Variants in CPNE4 observed in about 807,000 individuals in gnomAD.
CPNE4 encodes copine 4, also known as copine-4.
CPNE4 carries 25 observed loss-of-function variants against 67.9 expected under a neutral mutation model. The ratio of observed to expected loss-of-function variants is 0.37; its 90% CI spans 0.27 to 0.51. CPNE4 has a LOEUF of 0.51. Ranked by LOEUF, CPNE4 falls within the 20% of genes least tolerant of loss-of-function variation. The pLI is 0.93. For synonymous variants in CPNE4, 242 were observed against 244.9 expected (o/e 0.99, Z 0.11); for missense variants, 464 against 690.8 (o/e 0.67, Z 3.68).
intron 1 of CPNE4, among the ~76,000 whole-genome samples, chr3:131,973,534 T>C (rs1240715973): frequency 6.6e-6 from 1 of 152,210 alleles, no homozygotes; most frequent in Non-Finnish European, 1.5e-5. Context: ...ACTATTATCA[T>C]CTCCATTGGC....
intron 2 of CPNE4, among the ~76,000 whole-genome samples, chr3:131,821,614 G>A (rs1352621362): frequency 6.6e-6 from 1 of 152,170 alleles, no homozygotes; most frequent in African/African-American, 2.4e-5. Context: ...AGAGCACATG[G>A]AATTTTTCTC....
At chr3:131,667,833 A>T (rs1560081827) in intron 7 of CPNE4, among the ~76,000 whole-genome samples, 1 of 152,036 alleles carries the variant, frequency 6.6e-6, no homozygotes. Flanking sequence ...CCTCCTCATA[A>T]AAAGTTTAAT....
chr3:131,859,493 A>G (rs1395680244), intron 2 of CPNE4, among the ~76,000 whole-genome samples: 1 of 152,082 alleles, frequency 6.6e-6, no homozygotes, highest in East Asian at 1.9e-4. Context: ...TTTAGCATCT[A>G]TCTCAGCTAC....
At chr3:131,645,936 C>A (rs1255836144) in intron 7 of CPNE4, among the ~76,000 whole-genome samples, 1 of 152,150 alleles carries the variant, frequency 6.6e-6, no homozygotes, top group African/African-American at 2.4e-5. Flanking sequence ...TGGAGAAAGG[C>A]TCAGGAGGCT....
intron 1 of CPNE4, among the ~76,000 whole-genome samples, chr3:132,003,894 G>A (rs1194268945): frequency 3.9e-5 from 6 of 152,200 alleles, no homozygotes; most frequent in Admixed American, 1.3e-4. Flanking sequence ...GCCGGCATCA[G>A]CATTTTAATT....
intron 7 of CPNE4, among the ~76,000 whole-genome samples, chr3:131,595,654 T>C (rs1194471431): frequency 6.6e-6 from 1 of 152,084 alleles, no homozygotes; most frequent in Non-Finnish European, 1.5e-5. Flanking sequence ...GGAGCCAGAC[T>C]CTTTAACAAC....
intron 2 of CPNE4, among the ~76,000 whole-genome samples, chr3:131,749,175 T>C (rs2082563232): frequency 6.6e-6 from 1 of 152,188 alleles, no homozygotes; most frequent in African/African-American, 2.4e-5. Context: ...ACATTTCCCT[T>C]GAGACTGTTT....
intron 2 of CPNE4, among the ~76,000 whole-genome samples, chr3:131,819,501 C>T (rs895039256): frequency 3.3e-5 from 5 of 150,710 alleles, no homozygotes; most frequent in African/African-American, 7.4e-5. Flanking sequence ...TACACACACA[C>T]ACACACACAC....
chr3:131,784,865 A>G (rs1480109252), intron 2 of CPNE4, among the ~76,000 whole-genome samples: 3 of 152,166 alleles, frequency 2.0e-5, no homozygotes, highest in Non-Finnish European at 4.4e-5. Context: ...TTAATTAAAA[A>G]ATGGAATTAT....
intron 7 of CPNE4, among the ~76,000 whole-genome samples, chr3:131,645,047 G>T (rs769012933): frequency 6.6e-6 from 1 of 152,166 alleles, no homozygotes; most frequent in Non-Finnish European, 1.5e-5. Flanking sequence ...AACCATTGTT[G>T]CCTAGAAGTG....
At chr3:131,953,238 TTAA>T (rs1377938331) in intron 1 of CPNE4, among the ~76,000 whole-genome samples, 1 of 75,702 alleles carries the variant, frequency 1.3e-5, no homozygotes, top group African/African-American at 5.0e-5. Flanking sequence ...GAATGATCAA[TTAA>T]AAAAAAAAAA....
chr3:131,638,479 C>T (rs1367335261), intron 7 of CPNE4, among the ~76,000 whole-genome samples: 5 of 151,962 alleles, frequency 3.3e-5, no homozygotes, highest in African/African-American at 1.2e-4. Flanking sequence ...ATCACAATCC[C>T]AAATATATAT....
intron 7 of CPNE4, among the ~76,000 whole-genome samples, chr3:131,598,854 C>CAA (rs1939046772): frequency 6.8e-6 from 1 of 147,808 alleles, no homozygotes; most frequent in African/African-American, 2.6e-5. Flanking sequence ...CCCCCACCCC[C>CAA]CCGCCAAAAA....
At position 131,536,614 on chromosome 3, in the gene CPNE4, A is replaced by G. The variant is rs568943418; in HGVS notation, c.1540-1285T>C. 7.9e-5 allele frequency among the ~76,000 whole-genome samples: 12 copies of G among 152,380 alleles called. No homozygotes were observed. In the East Asian group the frequency reaches 2.3e-3, roughly 29 times the overall value. ...CTTAGAGGCAAAAGAGAAAAGAAAA[A>G]TAATTCACTCTATCTCACAGAGTCT... On this transcript the variant is annotated intron_variant, in intron 15 of 15. Transcript: ENST00000429747.
rs567698191 is a variant in CPNE4, at chr3:131,779,327, A to T, written c.181-55702T>A. 2.9e-3 allele frequency among the ~76,000 whole-genome samples: 446 copies of T among 152,254 alleles called. 1 individual carries two copies. Among genetic ancestry groups the T allele is most frequent in the African/African-American group, 9.0e-3 (372 of 41,548 alleles). On this transcript the variant is annotated intron_variant, in intron 2 of 15. Transcript: ENST00000429747. ...CAACATTTTTCACAGAATTAGATTT[A>T]AAAAAATCTAAAATTCATTTGGAAC... is the stretch of plus-strand genomic sequence containing the variant.
At chr3:131,924,907 T>C (rs1461404894) in intron 1 of CPNE4, among the ~76,000 whole-genome samples, 1 of 152,164 alleles carries the variant, frequency 6.6e-6, no homozygotes, top group Non-Finnish European at 1.5e-5. Flanking sequence ...TCCCACCTCT[T>C]CTTTGGTTTT....
At chr3:131,858,391 G>T (rs1439391213) in intron 2 of CPNE4, among the ~76,000 whole-genome samples, 1 of 152,040 alleles carries the variant, frequency 6.6e-6, no homozygotes, top group East Asian at 1.9e-4. Flanking sequence ...CCAGATAAAA[G>T]ATAAGAAAAC....
chr3:131,556,452 T>C (rs551716591), intron 11 of CPNE4, among the ~76,000 whole-genome samples: 2 of 152,208 alleles, frequency 1.3e-5, no homozygotes, highest in East Asian at 3.9e-4. Flanking sequence ...ACATGACTCA[T>C]TGTGCCCACC....
intron 1 of CPNE4, among the ~76,000 whole-genome samples, chr3:131,916,365 A>G (rs938615869): frequency 6.6e-6 from 1 of 151,328 alleles, no homozygotes; most frequent in East Asian, 1.9e-4. Context: ...AAAAAAAAAA[A>G]ACAGAGCAGG....
Sources: gnomAD v4.1 joint callset for allele counts (sites outside exome capture counted in the v4.1 genomes callset) on GRCh38, gnomAD v4.1.1 for gene constraint, MANE v1.5 for transcripts, NCBI Gene and HGNC (gene_info 2026-07-23, HGNC 2026-07-21) for gene names.